The following ADARB1 variants were observed in gnomAD, a reference collection of about 807,000 sequenced individuals.
ADARB1 encodes the protein adenosine deaminase RNA specific B1.
In ADARB1, 10 loss-of-function variants were observed where a neutral mutation model predicts 52.4. The observed-to-expected ratio is 0.19, with a 90% CI of 0.12 to 0.32. ADARB1 has a LOEUF of 0.32. ADARB1 is among the 10% of genes least tolerant of loss of function. ADARB1 has a pLI of 1.00. For synonymous variants in ADARB1, 349 were observed against 371.1 expected (o/e 0.94, Z 0.68); for missense variants, 643 against 922.3 (o/e 0.70, Z 3.92).
chr21:45,180,963 C>G (rs989360177), intron 5 of ADARB1, among the ~76,000 whole-genome samples: 5 of 152,196 alleles, frequency 3.3e-5, no homozygotes, highest in Admixed American at 3.3e-4. Context: ...GAGTCCTCTC[C>G]CCACATCCCG....
chr21:45,086,687 G>A (rs141930580), intron 1 of ADARB1, among the ~76,000 whole-genome samples: 6 of 152,320 alleles, frequency 3.9e-5, no homozygotes, highest in South Asian at 2.1e-4. Context: ...TCGTATTGGC[G>A]TAGCGTGTTC....
chr21:45,134,704 T>TG, intron 2 of ADARB1: 1 of 453,336 alleles, frequency 2.2e-6, no homozygotes. Context: ...TTTTTTTTTT[T>TG]TTTACACAAG....
rs2089913813 is a variant in ADARB1, at chr21:45,144,594, C to T, written c.-48+16021C>T. 5 of 443,726 alleles carry T rather than the reference C, an allele frequency of 1.1e-5. No homozygotes were observed. In the Admixed American group the frequency reaches 1.2e-4, roughly 11 times the overall value. The allele number at this position is 443,726 out of a possible 1,614,324, so 27.5% of individuals were successfully genotyped here. A position where few individuals can be genotyped will look rare whatever the true frequency, so the allele number is the denominator to read the frequency against. ...AATTTCTGGATTCTCATGAATCAGA[C>T]ATTCTATTTTTATGTTTCTCTTCAA... On this transcript the variant is annotated intron_variant, in intron 2 of 10. Coordinates refer to ENST00000348831, the MANE Select transcript of ADARB1 (RefSeq NM_001112.4).
intron 2 of ADARB1, among the ~76,000 whole-genome samples, chr21:45,146,636 A>G (rs1219564344): frequency 6.6e-6 from 1 of 152,244 alleles, no homozygotes; most frequent in African/African-American, 2.4e-5. Flanking sequence ...AAATCAGATG[A>G]AAACCCTGAC....
Position 45,202,430 on chromosome 21 carries a change from A to G in ADARB1, c.1566-2125A>G, listed in dbSNP as rs543160096. Among the ~76,000 whole-genome samples the G allele has an allele frequency of 7.2e-4, 110 of 152,222 alleles. 2 individuals carry two copies. The highest frequency in any genetic ancestry group is 7.2e-3 in the Admixed American group (110 of 15,302). The stretch of plus-strand genomic sequence containing the variant: ...CTGTTTGTCATGTGCTGCCTACCCC[A>G]CTTGCCAGCTCTGCCCTGCTAGGTT... On this transcript the variant is annotated intron_variant, in intron 8 of 10. Transcript: ENST00000348831.
At chr21:45,219,494 G>A (rs1236423318) in intron 9 of ADARB1, among the ~76,000 whole-genome samples, 1 of 152,196 alleles carries the variant, frequency 6.6e-6, no homozygotes, top group African/African-American at 2.4e-5. Flanking sequence ...ACACACTCCA[G>A]CCTGGCAACA....
intron 8 of ADARB1, among the ~76,000 whole-genome samples, chr21:45,198,394 A>T (rs2092471618): frequency 6.6e-6 from 1 of 152,208 alleles, no homozygotes; most frequent in Non-Finnish European, 1.5e-5. Context: ...GATAGGTTTT[A>T]AAACTGAGAC....
At chr21:45,106,735 C>T (rs2087275477) in intron 1 of ADARB1, among the ~76,000 whole-genome samples, 1 of 152,176 alleles carries the variant, frequency 6.6e-6, no homozygotes, top group African/African-American at 2.4e-5. Flanking sequence ...TTGTTGAGAA[C>T]AAATACGGCT....
intron 1 of ADARB1, among the ~76,000 whole-genome samples, chr21:45,110,894 C>G (rs1224295626): frequency 6.6e-6 from 1 of 152,126 alleles, no homozygotes; most frequent in East Asian, 1.9e-4. Context: ...GCCCATCTGT[C>G]CATCCTCTTG....
chr21:45,158,391 A>G (rs2090779602), intron 2 of ADARB1, among the ~76,000 whole-genome samples: 1 of 152,228 alleles, frequency 6.6e-6, no homozygotes, highest in Non-Finnish European at 1.5e-5. Context: ...AAACGGGACC[A>G]TCTGGAAGTT....
At chr21:45,210,756 C>T (rs1226384914) in intron 9 of ADARB1, among the ~76,000 whole-genome samples, 3 of 152,252 alleles carry the variant, frequency 2.0e-5, no homozygotes, top group Non-Finnish European at 4.4e-5. Context: ...CACCCCAAGC[C>T]TTGCCTCCCA....
At chr21:45,116,926 T>G (rs879159490) in intron 1 of ADARB1, 1 of 152,164 alleles carries the variant, frequency 6.6e-6, no homozygotes, top group Admixed American at 6.5e-5. Context: ...TTTTTTTCTT[T>G]TCTCAGCATA....
In ADARB1 at chr21:45,208,669, TGTGTGTATGA is replaced by T. The variant is rs1221001931; in HGVS notation, c.1747+3940_1747+3949del. 6.6e-6 allele frequency among the ~76,000 whole-genome samples: 1 copy of T among 151,742 alleles called. No individual in the cohort carries two copies. Among genetic ancestry groups the T allele is most frequent in the Non-Finnish European group, 1.5e-5 (1 of 67,904 alleles). On this transcript the variant is annotated intron_variant, in intron 9 of 10. Transcript: ENST00000348831. The surrounding 1 kb of genome is among the most constrained non-coding windows in gnomAD (Gnocchi z 5.6). ...GCATGTGAGTGTGTGCATGAGTGCG[TGTGTGTATGA>T]GTGTGTGTGCATGTGTGTGTGCACG... is the stretch of plus-strand genomic sequence containing the variant.
At chr21:45,114,023 T>C (rs975450791) in intron 1 of ADARB1, among the ~76,000 whole-genome samples, 4 of 152,218 alleles carry the variant, frequency 2.6e-5, no homozygotes, top group African/African-American at 7.2e-5. Context: ...CTAACACATA[T>C]GTGGCATTAA....
chr21:45,183,221 A>T, intron 6 of ADARB1, 141 bp from the exon 7 acceptor site: 2 of 796,714 alleles, frequency 2.5e-6, no homozygotes, highest in Non-Finnish European at 3.7e-6. Flanking sequence ...GAACTGTATT[A>T]ATTACCCTAA....
intron 1 of ADARB1, chr21:45,118,689 A>C (rs952519153): frequency 1.3e-5 from 2 of 151,936 alleles, no homozygotes; most frequent in Non-Finnish European, 2.9e-5. Context: ...ATTTTTCGTT[A>C]CCCTAAACCC....
intron 2 of ADARB1, among the ~76,000 whole-genome samples, chr21:45,170,130 C>G (rs1255638987): frequency 1.3e-5 from 2 of 152,234 alleles, no homozygotes; most frequent in Non-Finnish European, 2.9e-5. Flanking sequence ...TAATTACCAA[C>G]CAGGGCCCAT....
rs773802034 is a variant in ADARB1, at chr21:45,222,112, G to A, written c.2021G>A (p.Arg674His). 2.9e-5 allele frequency: 47 copies of A among 1,613,004 alleles called. No individual in the cohort carries two copies. Among genetic ancestry groups the A allele is most frequent in the African/African-American group, 6.7e-5 (5 of 74,936 alleles). The part of the protein sequence containing the change: ...AAKEYQAAKA[R>H]LFTAFIKAGL... ...AAGGAGTACCAGGCCGCCAAGGCGCGTCTGTTCACAGCCTTCATCAAGGCG... is the reference window on the plus strand; with the variant it reads ...AAGGAGTACCAGGCCGCCAAGGCGCATCTGTTCACAGCCTTCATCAAGGCG... Residue 674 changes from arginine to histidine, a missense_variant, in exon 11 of 11, where the codon CGT becomes CAT. Coordinates refer to ENST00000348831, the MANE Select transcript of ADARB1 (RefSeq NM_001112.4).
intron 1 of ADARB1, among the ~76,000 whole-genome samples, chr21:45,080,287 G>A (rs77607199): frequency 0.079 from 12,053 of 152,202 alleles, 549 homozygotes; most frequent in East Asian, 0.16. Flanking sequence ...AGCGATGATA[G>A]CATGTTATGA....
Sources: gnomAD v4.1 joint callset for allele counts (sites outside exome capture counted in the v4.1 genomes callset) on GRCh38, gnomAD v4.1.1 for gene constraint, Gnocchi (gnomAD v3.1) non-coding constraint, MANE v1.5 for transcripts, NCBI Gene and HGNC (gene_info 2026-07-23, HGNC 2026-07-21) for gene names.